The following HS6ST3 variants were observed in gnomAD, a reference collection of about 807,000 sequenced individuals.
HS6ST3 encodes heparan-sulfate 6-O-sulfotransferase 3.
A neutral mutation model predicts 36.7 loss-of-function variants in HS6ST3; 12 were observed. That is an observed-to-expected ratio of 0.33 (90% CI 0.21 to 0.53). The LOEUF is 0.53. Ranked by LOEUF, HS6ST3 falls within the 20% of genes least tolerant of loss-of-function variation. The pLI is 0.95. For synonymous variants in HS6ST3, 240 were observed against 257.5 expected (o/e 0.93, Z 0.65); for missense variants, 584 against 640.9 (o/e 0.91, Z 0.96).
At chr13:96,401,201 C>G (rs1320826522) in intron 1 of HS6ST3, among the ~76,000 whole-genome samples, 2 of 152,238 alleles carry the variant, frequency 1.3e-5, no homozygotes, top group African/African-American at 2.4e-5. Flanking sequence ...GCTTTTCCCC[C>G]CTAATTGAAA....
intron 1 of HS6ST3, among the ~76,000 whole-genome samples, chr13:96,162,900 G>GA (rs1555388867): frequency 6.6e-6 from 1 of 151,134 alleles, no homozygotes; most frequent in East Asian, 1.9e-4. Flanking sequence ...ATGTGGTTTA[G>GA]TTTTTTTTTG....
At chr13:96,825,876 C>T (rs1030808754) in intron 1 of HS6ST3, among the ~76,000 whole-genome samples, 1 of 152,186 alleles carries the variant, frequency 6.6e-6, no homozygotes, top group Non-Finnish European at 1.5e-5. Flanking sequence ...CTCCTGACCT[C>T]TGTAACTTGC....
At chr13:96,713,520 A>T (rs1441378887) in intron 1 of HS6ST3, among the ~76,000 whole-genome samples, 1 of 152,164 alleles carries the variant, frequency 6.6e-6, no homozygotes, top group East Asian at 1.9e-4. Flanking sequence ...AACACCTCTC[A>T]TATATGAATT....
intron 1 of HS6ST3, among the ~76,000 whole-genome samples, chr13:96,707,097 A>AT (rs1186175413): frequency 2.0e-5 from 3 of 151,960 alleles, no homozygotes; most frequent in African/African-American, 7.3e-5. Context: ...TATGGGTTGA[A>AT]TTTTTTTGTC....
intron 1 of HS6ST3, among the ~76,000 whole-genome samples, chr13:96,599,353 C>T (rs2056413249): frequency 1.3e-5 from 2 of 151,972 alleles, no homozygotes; most frequent in Non-Finnish European, 1.5e-5. Flanking sequence ...CTATTTCTTC[C>T]TGATTCAGGC....
At chr13:96,297,248 C>G (rs1425331684) in intron 1 of HS6ST3, among the ~76,000 whole-genome samples, 4 of 152,018 alleles carry the variant, frequency 2.6e-5, no homozygotes, top group Non-Finnish European at 5.9e-5. Context: ...CCTTTCTGCA[C>G]AGGTTTCTAG....
At chr13:96,616,116 A>G (rs1424841518) in intron 1 of HS6ST3, among the ~76,000 whole-genome samples, 1 of 152,178 alleles carries the variant, frequency 6.6e-6, no homozygotes, top group African/African-American at 2.4e-5. Context: ...TATAGAAGCC[A>G]TTTTTAGAAA....
chr13:96,745,669 C>T (rs1876545224), intron 1 of HS6ST3, among the ~76,000 whole-genome samples: 1 of 152,062 alleles, frequency 6.6e-6, no homozygotes, highest in African/African-American at 2.4e-5. Flanking sequence ...GGGTCAATTA[C>T]AGTTAATGCA....
intron 1 of HS6ST3, among the ~76,000 whole-genome samples, chr13:96,418,964 G>T (rs2055548580): frequency 6.6e-6 from 1 of 152,224 alleles, no homozygotes; most frequent in Non-Finnish European, 1.5e-5. Flanking sequence ...ATCTTTGGAA[G>T]TCTAAAGCTC....
intron 1 of HS6ST3, among the ~76,000 whole-genome samples, chr13:96,694,058 T>C (rs999511819): frequency 6.6e-6 from 1 of 152,148 alleles, no homozygotes; most frequent in Non-Finnish European, 1.5e-5. Context: ...CATGTGCAGA[T>C]TCATTATAGA....
At chr13:96,772,068 G>A (rs1441149146) in intron 1 of HS6ST3, among the ~76,000 whole-genome samples, 1 of 152,174 alleles carries the variant, frequency 6.6e-6, no homozygotes, top group Non-Finnish European at 1.5e-5. Context: ...GAAGCTATCT[G>A]GGTTTGTGAT....
chr13:96,741,743 A>G (rs141899414), intron 1 of HS6ST3, among the ~76,000 whole-genome samples: 55 of 152,330 alleles, frequency 3.6e-4, no homozygotes, highest in African/African-American at 1.3e-3. Flanking sequence ...CCTTTGAAAT[A>G]TACAATGTCA....
chr13:96,400,768 G>T (rs1202699925), intron 1 of HS6ST3, among the ~76,000 whole-genome samples: 1 of 152,098 alleles, frequency 6.6e-6, no homozygotes, highest in Non-Finnish European at 1.5e-5. Flanking sequence ...TAAAATACAT[G>T]GTGGTTTGCA....
At chr13:96,211,315 A>G (rs1486244604) in intron 1 of HS6ST3, among the ~76,000 whole-genome samples, 2 of 152,102 alleles carry the variant, frequency 1.3e-5, no homozygotes, top group African/African-American at 4.8e-5. Flanking sequence ...AAACCTGACC[A>G]CTGTTCATCT....
chr13:96,273,858 C>A (rs187862263), intron 1 of HS6ST3, among the ~76,000 whole-genome samples: 36 of 151,918 alleles, frequency 2.4e-4, no homozygotes, highest in African/African-American at 8.2e-4. Flanking sequence ...CCAAACCCTG[C>A]CAGGCCCTTC....
rs1462810051 is a variant in HS6ST3 at position 96,736,988 on chromosome 13, CA to C, written c.708-95494del. On this transcript the variant is annotated intron_variant, in intron 1 of 1. Coordinates refer to ENST00000376705, the MANE Select transcript of HS6ST3 (RefSeq NM_153456.4). The stretch of plus-strand genomic sequence containing the variant: ...ATCATAGCACTAACTGATTCACTAA[CA>C]AAAAAAATTAAACTTCTAACTAAGA... Among the ~76,000 whole-genome samples, 6 of 151,344 alleles carry C rather than the reference CA, an allele frequency of 4.0e-5. No individual in the cohort carries two copies. The South Asian group carries it at 1.0e-3, about 26-fold the overall frequency.
chr13:96,533,486 G>T (rs1594801373), intron 1 of HS6ST3, among the ~76,000 whole-genome samples: 1 of 152,292 alleles, frequency 6.6e-6, no homozygotes, highest in South Asian at 2.1e-4. Context: ...AAATACAGAA[G>T]TCTATTGAAA....
intron 1 of HS6ST3, among the ~76,000 whole-genome samples, chr13:96,619,984 C>G (rs1005976173): frequency 6.6e-6 from 1 of 152,120 alleles, no homozygotes; most frequent in African/African-American, 2.4e-5. Context: ...AGATCCCTTC[C>G]CCGTCTGAGA....
At chr13:96,736,356 G>A (rs1177349525) in intron 1 of HS6ST3, among the ~76,000 whole-genome samples, 4 of 152,182 alleles carry the variant, frequency 2.6e-5, no homozygotes, top group Non-Finnish European at 2.9e-5. Flanking sequence ...GATATCAGAT[G>A]AATTTGATTC....
Sources: allele counts gnomAD v4.1 joint callset (sites outside exome capture counted in the v4.1 genomes callset), GRCh38; gene constraint gnomAD v4.1.1; transcripts MANE v1.5; gene names NCBI Gene and HGNC (gene_info 2026-07-23, HGNC 2026-07-21).